Variants in TSG101 observed in about 807,000 individuals in gnomAD.
TSG101 encodes the protein tumor susceptibility 101.
TSG101 carries 19 observed loss-of-function variants against 48.5 expected under a neutral mutation model. The ratio of observed to expected loss-of-function variants is 0.39; its 90% CI spans 0.27 to 0.58. The LOEUF (loss-of-function observed/expected upper bound fraction) is 0.58. Ranked by LOEUF, TSG101 falls within the 20% of genes least tolerant of loss-of-function variation. The pLI is 0.55. For synonymous variants in TSG101, 174 were observed against 169.4 expected, an observed-to-expected ratio of 1.03 and a Z score of -0.21; for missense variants, 365 against 484.4, an observed-to-expected ratio of 0.75 and a Z score of 2.31.
chr11:18,499,568 G>A (rs1418127597), intron 7 of TSG101, among the ~76,000 whole-genome samples: 2 of 148,314 alleles, frequency 1.3e-5, no homozygotes, highest in African/African-American at 2.5e-5. Flanking sequence ...GCGCCACCAC[G>A]CCCGGCTAAT....
intron 7 of TSG101, among the ~76,000 whole-genome samples, chr11:18,496,140 A>G (rs1849772937): frequency 6.6e-6 from 1 of 152,178 alleles, no homozygotes. Flanking sequence ...GGTAAATTTT[A>G]AATCTTTCTT....
At chr11:18,498,084 G>T (rs1257659951) in intron 7 of TSG101, among the ~76,000 whole-genome samples, 3 of 152,022 alleles carry the variant, frequency 2.0e-5, no homozygotes, top group African/African-American at 7.3e-5. Context: ...GTGGGGGGTT[G>T]GAGGGGGGAT....
Position 18,510,266 on chromosome 11 carries a change from C to T in TSG101, c.358-601G>A, listed in dbSNP as rs1196823680. Among the ~76,000 whole-genome samples, 3 of 151,992 alleles carry T rather than the reference C, an allele frequency of 2.0e-5. No homozygotes were observed. The East Asian group carries it at 5.9e-4, about 30-fold the overall frequency. On this transcript the variant is annotated intron_variant, in intron 4 of 9. Coordinates refer to ENST00000251968, the MANE Select transcript of TSG101 (RefSeq NM_006292.4). ...CAAAATCCCATCTCTACTAAAAACA[C>T]AAAAATTAGCCGGGTGTGGTGATGT...
intron 7 of TSG101, among the ~76,000 whole-genome samples, chr11:18,499,402 A>ATATATATATATATTTTT: frequency 2.0e-3 from 11 of 5,450 alleles, no homozygotes; most frequent in African/African-American, 4.5e-3. Flanking sequence ...ATATATATAT[A>ATATATATATATATTTTT]TTTTTTTTTT....
chr11:18,489,329 C>T (rs1283801267), intron 7 of TSG101, among the ~76,000 whole-genome samples: 17 of 151,988 alleles, frequency 1.1e-4, no homozygotes, highest in Admixed American at 9.2e-4. Flanking sequence ...TAAACTCCTA[C>T]GCTCAGGCGA....
At chr11:18,499,402 A>ATATATATATATATATATATAT in intron 7 of TSG101, among the ~76,000 whole-genome samples, 3 of 5,456 alleles carry the variant, frequency 5.5e-4, no homozygotes, top group Admixed American at 6.3e-3. Context: ...ATATATATAT[A>ATATATATATATATATATATAT]TTTTTTTTTT....
In TSG101 at chr11:18,516,293, A is replaced by G; in HGVS notation, c.128-129T>C. On this transcript the variant is annotated intron_variant, in intron 2 of 9. Coordinates refer to ENST00000251968, the MANE Select transcript of TSG101 (RefSeq NM_006292.4). Reference sequence around the variant, plus strand: ...GGGCTGACCTGTCAATGTATCATCCATCCTGTCCAATAACTAACAATTCTT... The same window carrying G: ...GGGCTGACCTGTCAATGTATCATCCGTCCTGTCCAATAACTAACAATTCTT... 3 of 680,554 alleles carry G rather than the reference A, an allele frequency of 4.4e-6. No homozygotes were observed. In the South Asian group the frequency reaches 5.6e-5, roughly 13 times the overall value. 42.2% of individuals were successfully genotyped at this position (680,554 alleles called of 1,614,324 possible).
chr11:18,485,063 C>T (rs984120404), intron 7 of TSG101, among the ~76,000 whole-genome samples: 3 of 151,546 alleles, frequency 2.0e-5, no homozygotes, highest in Non-Finnish European at 2.9e-5. Flanking sequence ...CTCAGCCTCC[C>T]GAGTAGCTGG....
chr11:18,485,239 C>A (rs1849603785), intron 7 of TSG101, among the ~76,000 whole-genome samples: 1 of 152,194 alleles, frequency 6.6e-6, no homozygotes, highest in Non-Finnish European at 1.5e-5. Context: ...CCCATCTTCT[C>A]TCTACCATTA....
intron 5 of TSG101, among the ~76,000 whole-genome samples, chr11:18,507,359 G>C (rs1849992035): frequency 6.6e-6 from 1 of 152,136 alleles, no homozygotes; most frequent in South Asian, 2.1e-4. Context: ...TTGGTTTAAA[G>C]ACTTCAAGAG....
chr11:18,519,647 A>C, intron 1 of TSG101, 44 bp from the exon 2 acceptor site: 1 of 1,405,016 alleles, frequency 7.1e-7, no homozygotes, highest in Non-Finnish European at 9.9e-7. Flanking sequence ...AAACCAATGC[A>C]TATATTTTAC....
chr11:18,510,840 T>G (rs1850067897), intron 4 of TSG101, among the ~76,000 whole-genome samples: 1 of 152,086 alleles, frequency 6.6e-6, no homozygotes, highest in Non-Finnish European at 1.5e-5. Context: ...GAGGATCACC[T>G]GAGCCAGGAA....
At chr11:18,512,654 A>T (rs773398802) in intron 4 of TSG101, among the ~76,000 whole-genome samples, 57 of 151,782 alleles carry the variant, frequency 3.8e-4, no homozygotes, top group Non-Finnish European at 5.6e-4. Flanking sequence ...TCTTCCAGCA[A>T]GGGTTCACCC....
At chr11:18,499,274 T>TA (rs1849837919) in intron 7 of TSG101, among the ~76,000 whole-genome samples, 1 of 131,850 alleles carries the variant, frequency 7.6e-6, no homozygotes, top group Non-Finnish European at 1.6e-5. Flanking sequence ...TTTATATATA[T>TA]TTATATATAT....
intron 2 of TSG101, among the ~76,000 whole-genome samples, chr11:18,518,980 G>A (rs866658317): frequency 1.3e-5 from 2 of 152,004 alleles, no homozygotes; most frequent in South Asian, 2.1e-4. Flanking sequence ...GTTTAAATTT[G>A]CATAGTTCTA....
At chr11:18,500,227 C>T (rs951399258) in intron 7 of TSG101, among the ~76,000 whole-genome samples, 2 of 152,164 alleles carry the variant, frequency 1.3e-5, no homozygotes, top group African/African-American at 4.8e-5. Flanking sequence ...CATTCATCTG[C>T]TGATAAATAT....
intron 4 of TSG101, among the ~76,000 whole-genome samples, chr11:18,513,943 G>A (rs1850127595): frequency 6.6e-6 from 1 of 152,082 alleles, no homozygotes; most frequent in African/African-American, 2.4e-5. Flanking sequence ...TTTGTATTTG[G>A]TGGTGGGCGC....
chr11:18,526,754 G>C (rs1016407770), intron 1 of TSG101, 21 bp downstream of exon 1: 3 of 1,598,950 alleles, frequency 1.9e-6, no homozygotes, highest in Non-Finnish European at 2.5e-6. Flanking sequence ...GCCCTGGGAG[G>C]CGAGCGCGTC....
intron 1 of TSG101, among the ~76,000 whole-genome samples, 188 bp downstream of exon 1, chr11:18,526,587 C>T (rs1225275064): frequency 6.6e-6 from 1 of 152,382 alleles, no homozygotes; most frequent in Non-Finnish European, 1.5e-5. Flanking sequence ...ACCCTCCCAG[C>T]TCCCGTACGG....
Sources: allele counts gnomAD v4.1 joint callset (sites outside exome capture counted in the v4.1 genomes callset), GRCh38; gene constraint gnomAD v4.1.1; transcripts MANE v1.5; gene names NCBI Gene and HGNC (gene_info 2026-07-23, HGNC 2026-07-21).